The following UNC5A variants were observed in gnomAD, a reference collection of about 807,000 sequenced individuals.
The protein encoded by UNC5A is netrin receptor UNC5A.
A neutral mutation model predicts 87.4 loss-of-function variants in UNC5A; 20 were observed. The observed-to-expected ratio is 0.23, with a 90% CI of 0.16 to 0.33. UNC5A has a LOEUF of 0.33. Among genes scored for constraint, UNC5A ranks in the 10% least tolerant of loss-of-function variants. UNC5A has a pLI of 1.00. For synonymous variants in UNC5A, 438 were observed against 482.3 expected (o/e 0.91, Z 1.20); for missense variants, 844 against 1,133.4 (o/e 0.74, Z 3.67).
At chr5:176,853,935 C>T (rs959611426) in intron 1 of UNC5A, among the ~76,000 whole-genome samples, 4 of 152,220 alleles carry the variant, frequency 2.6e-5, no homozygotes, top group African/African-American at 7.2e-5. Context: ...AAACCTCATC[C>T]GCTATTTGCC....
Position 176,866,854 on chromosome 5 carries a change from C to T in UNC5A, c.293-1276C>T, listed in dbSNP as rs1757987446. 6.6e-6 allele frequency among the ~76,000 whole-genome samples: 1 copy of T among 152,100 alleles called. No individual in the cohort carries two copies. Among genetic ancestry groups the T allele is most frequent in the African/African-American group, 2.4e-5 (1 of 41,404 alleles). ...AGGTGGTGCCCAGAACGGAGGGAAG[C>T]GGCCCAGCTACCATGATCTCACCAG... On this transcript the variant is annotated intron_variant, in intron 2 of 14. Transcript: ENST00000329542. The surrounding 1 kb of genome is among the most constrained non-coding windows in gnomAD (Gnocchi z 5.0).
At chr5:176,821,128 C>A (rs927427005) in intron 1 of UNC5A, among the ~76,000 whole-genome samples, 2 of 152,214 alleles carry the variant, frequency 1.3e-5, no homozygotes, top group Non-Finnish European at 2.9e-5. Flanking sequence ...CTCTTCTGGG[C>A]TCCTTCCTCC....
intron 1 of UNC5A, among the ~76,000 whole-genome samples, chr5:176,839,856 G>T (rs1289452705): frequency 7.9e-6 from 1 of 126,244 alleles, no homozygotes; most frequent in African/African-American, 3.1e-5. Context: ...TCACTCTGTC[G>T]CCCAGGCTGG....
In UNC5A at chr5:176,866,571, G is replaced by T. The variant is rs142503137; in HGVS notation, c.293-1559G>T. Among the ~76,000 whole-genome samples the T allele has an allele frequency of 4.2e-4, 64 of 152,308 alleles. 1 individual carries two copies. Among genetic ancestry groups the T allele is most frequent in the African/African-American group, 1.5e-3 (63 of 41,564 alleles). ...GGATGGAGGAACCATTAACAGACTT[G>T]TCCACCCAAGGGAGAAAAAGTACCC... On this transcript the variant is annotated intron_variant, in intron 2 of 14. Transcript: ENST00000329542. This position sits in a 1 kb window ranked among gnomAD's most constrained non-coding sequence, Gnocchi z 5.0.
At chr5:176,864,554 G>A (rs1035839762) in intron 2 of UNC5A, among the ~76,000 whole-genome samples, 1 of 152,192 alleles carries the variant, frequency 6.6e-6, no homozygotes, top group African/African-American at 2.4e-5. Flanking sequence ...TGAGACTGAG[G>A]CCTTGGCTCT....
intron 1 of UNC5A, among the ~76,000 whole-genome samples, chr5:176,858,960 A>C (rs1057415591): frequency 2.6e-5 from 4 of 152,180 alleles, no homozygotes; most frequent in African/African-American, 9.7e-5. Context: ...CAAGGATAGA[A>C]GTCACACAGT....
At chr5:176,843,233 A>T (rs1757322427) in intron 1 of UNC5A, among the ~76,000 whole-genome samples, 1 of 152,134 alleles carries the variant, frequency 6.6e-6, no homozygotes. Flanking sequence ...GAAACAGCCC[A>T]GGTGAGGGGA....
intron 1 of UNC5A, among the ~76,000 whole-genome samples, chr5:176,829,251 G>T: frequency 1.1e-5 from 1 of 95,208 alleles, no homozygotes; most frequent in Non-Finnish European, 2.6e-5. Context: ...ATGGATGGAT[G>T]GGTGGATGGA....
rs1214117265 is a variant in UNC5A at position 176,874,023 on chromosome 5, C to T, written c.942C>T (p.Val314=). 2 of 1,614,090 alleles carry T rather than the reference C, an allele frequency of 1.2e-6. No homozygotes were observed. The highest frequency in any genetic ancestry group is 4.5e-5 in the East Asian group (2 of 44,884). ...ATGTGGGCCTCATCGCCGTGGCCGT[C>T]TGCCTGGTCCTGCTGCTGCTTGTCC... ...ALYVGLIAVA[V]CLVLLLLVLI... is the part of the protein sequence containing the mutation. The change falls in exon 7 of 15, where the codon GTC becomes GTT. Residue 314 remains valine, a synonymous_variant. Transcript: ENST00000329542. The surrounding 1 kb of genome is among the most constrained non-coding windows in gnomAD (Gnocchi z 7.6).
chr5:176,854,064 T>G (rs1757608849), intron 1 of UNC5A, among the ~76,000 whole-genome samples: 1 of 152,170 alleles, frequency 6.6e-6, no homozygotes, highest in South Asian at 2.1e-4. Flanking sequence ...TTTTATGTTT[T>G]GGCTTTGAAA....
At chr5:176,861,654 C>T (rs901109114) in intron 1 of UNC5A, among the ~76,000 whole-genome samples, 5 of 152,200 alleles carry the variant, frequency 3.3e-5, no homozygotes, top group African/African-American at 1.2e-4. Flanking sequence ...GGCCTGTGGA[C>T]ATCCCCACAG....
intron 1 of UNC5A, among the ~76,000 whole-genome samples, chr5:176,827,079 T>G (rs1160356358): frequency 2.6e-5 from 4 of 152,134 alleles, no homozygotes; most frequent in Non-Finnish European, 5.9e-5. Context: ...AATGGAATCA[T>G]GTAATTTGTG....
intron 6 of UNC5A, 66 bp from the exon 7 acceptor site, chr5:176,873,902 C>A: frequency 6.5e-7 from 1 of 1,547,126 alleles, no homozygotes; most frequent in Middle Eastern, 2.0e-4. Context: ...GGGGTGCAGA[C>A]CACTGACCTC....
Position 176,838,283 on chromosome 5 carries a change from G to A in UNC5A, c.71-24341G>A, listed in dbSNP as rs1024216603. 1.3e-5 allele frequency among the ~76,000 whole-genome samples: 2 copies of A among 152,168 alleles called. No individual in the cohort carries two copies. Among genetic ancestry groups the A allele is most frequent in the Admixed American group, 6.5e-5 (1 of 15,282 alleles). On this transcript the variant is annotated intron_variant, in intron 1 of 14. Coordinates refer to ENST00000329542, the MANE Select transcript of UNC5A (RefSeq NM_133369.3). This position sits in a 1 kb window ranked among gnomAD's most constrained non-coding sequence, Gnocchi z 4.2. Reference sequence around the variant, plus strand: ...TAGGATTTTAGGAAGCCACTCCCCTGCTAAAAAGCCTGTGATGGTTCCCCA... The same window carrying A: ...TAGGATTTTAGGAAGCCACTCCCCTACTAAAAAGCCTGTGATGGTTCCCCA...
At chr5:176,879,567 G>A (rs1231456022) in intron 14 of UNC5A, 79 bp downstream of exon 14, 19 of 1,546,980 alleles carry the variant, frequency 1.2e-5, no homozygotes, top group Non-Finnish European at 1.5e-5. Flanking sequence ...GAGGTGGACA[G>A]GAGGCCCTGT....
At chr5:176,850,270 T>C (rs1372363490) in intron 1 of UNC5A, among the ~76,000 whole-genome samples, 1 of 152,198 alleles carries the variant, frequency 6.6e-6, no homozygotes, top group Non-Finnish European at 1.5e-5. Context: ...CTGCAGGGTA[T>C]GGGTTGGTGA....
rs537486901 is a variant in UNC5A at position 176,873,900 on chromosome 5, G to A, written c.887-68G>A. The A allele has an allele frequency of 2.7e-5, 42 of 1,541,004 alleles. No individual in the cohort carries two copies. In the African/African-American group the frequency reaches 4.5e-4, roughly 16 times the overall value. ...GCAGACCTCATCCTCCTGGGGTGCAGACCACTGACCTCTCCTTCCCAGACT... is the reference window on the plus strand; with the variant it reads ...GCAGACCTCATCCTCCTGGGGTGCAAACCACTGACCTCTCCTTCCCAGACT... On this transcript the variant is annotated intron_variant, in intron 6 of 14. Transcript: ENST00000329542.
chr5:176,878,204 A>G, intron 11 of UNC5A, 40 bp from the exon 12 acceptor site: 11 of 1,603,960 alleles, frequency 6.9e-6, no homozygotes, highest in African/African-American at 1.3e-5. Flanking sequence ...CCTTGGGCGC[A>G]GTGGGGAGGG....
intron 1 of UNC5A, among the ~76,000 whole-genome samples, chr5:176,857,548 C>T (rs140632765): frequency 0.012 from 1,770 of 152,282 alleles, 22 homozygotes; most frequent in South Asian, 0.018. Context: ...CACACACACA[C>T]GCCTTGCCCC....
Sources: allele counts gnomAD v4.1 joint callset (sites outside exome capture counted in the v4.1 genomes callset), GRCh38; gene constraint gnomAD v4.1.1; non-coding constraint Gnocchi (gnomAD v3.1); transcripts MANE v1.5; gene names NCBI Gene and HGNC (gene_info 2026-07-23, HGNC 2026-07-21).